The following GPNMB variants were observed in gnomAD, a reference collection of about 807,000 sequenced individuals.
GPNMB encodes the protein glycoprotein nmb.
In GPNMB, 71 loss-of-function variants were observed where a neutral mutation model predicts 57.3. The observed-to-expected ratio is 1.24, with a 90% CI of 1.02 to 1.51. GPNMB has a LOEUF of 1.51. Among genes scored for constraint, GPNMB ranks in the 40% most tolerant of loss-of-function variants. GPNMB has a pLI of 0.00. For missense variants in GPNMB, 677 were observed against 691.9 expected (o/e 0.98, Z 0.24); for synonymous variants, 253 against 263.2 (o/e 0.96, Z 0.38).
Position 23,253,291 on chromosome 7 carries a change from T to G in GPNMB, c.71-16T>G. On this transcript the variant is annotated splice_polypyrimidine_tract_variant and intron_variant, in intron 1 of 10. Transcript: ENST00000258733. ...TACTAAATGAAGAATGGAATTTGTT[T>G]CGAATATTGATACAGGATTTCATGA... 6.2e-7 allele frequency: 1 copy of G among 1,607,362 alleles called. No individual in the cohort carries two copies. Among genetic ancestry groups the G allele is most frequent in the Non-Finnish European group, 8.5e-7 (1 of 1,176,640 alleles).
intron 6 of GPNMB, 100 bp downstream of exon 6, chr7:23,260,873 G>A (rs1782906588): frequency 3.4e-6 from 3 of 885,052 alleles, no homozygotes; most frequent in Non-Finnish European, 4.8e-6. Flanking sequence ...GATATTGTAA[G>A]GACTCTGCGG....
In GPNMB at chr7:23,266,511, C is replaced by T. The variant is rs1252287724; in HGVS notation, c.1019-6C>T. 6.2e-7 allele frequency: 1 copy of T among 1,612,908 alleles called. No individual in the cohort carries two copies. Among genetic ancestry groups the T allele is most frequent in the Non-Finnish European group, 8.5e-7 (1 of 1,178,936 alleles). On this transcript the variant is annotated splice_polypyrimidine_tract_variant and splice_region_variant and intron_variant, in intron 6 of 10. Transcript: ENST00000258733. Reference sequence around the variant, plus strand: ...ACTCTAAAATCTTATGATTCAAACACCCCAGGACCTGCTGGTGACAACCCC... The same window carrying T: ...ACTCTAAAATCTTATGATTCAAACATCCCAGGACCTGCTGGTGACAACCCC...
At position 23,257,442 on chromosome 7, in the gene GPNMB, C is replaced by T. The variant is rs374935306; in HGVS notation, c.541+377C>T. The T allele has an allele frequency of 1.9e-4, 62 of 329,560 alleles. No individual in the cohort carries two copies. In the East Asian group the frequency reaches 3.5e-3, roughly 19 times the overall value. 20.4% of individuals were successfully genotyped at this position (329,560 alleles called of 1,614,324 possible). ...ATCCCAGCACCTTGGAAGGCGGAGG[C>T]GGGTGGATCACCTGAAGTCAGGAGT... On this transcript the variant is annotated intron_variant, in intron 4 of 10. Transcript: ENST00000258733.
intron 6 of GPNMB, among the ~76,000 whole-genome samples, chr7:23,261,783 A>T (rs938469439): frequency 3.9e-5 from 6 of 152,004 alleles, no homozygotes; most frequent in East Asian, 1.9e-4. Context: ...AGTAAAATTT[A>T]AAAAAAAGAG....
rs776003401 is a variant in GPNMB at position 23,253,295 on chromosome 7, A to G, written c.71-12A>G. On this transcript the variant is annotated splice_polypyrimidine_tract_variant and intron_variant, in intron 1 of 10. Coordinates refer to ENST00000258733, the MANE Select transcript of GPNMB (RefSeq NM_002510.3). ...AAATGAAGAATGGAATTTGTTTCGAATATTGATACAGGATTTCATGATGTG... is the reference window on the plus strand; with the variant it reads ...AAATGAAGAATGGAATTTGTTTCGAGTATTGATACAGGATTTCATGATGTG... 1.9e-6 allele frequency: 3 copies of G among 1,608,530 alleles called. No homozygotes were observed. In the South Asian group the frequency reaches 3.3e-5, roughly 18 times the overall value.
At chr7:23,273,328 C>G in intron 9 of GPNMB, 193 bp from the exon 10 acceptor site, 1 of 555,870 alleles carries the variant, frequency 1.8e-6, no homozygotes, top group Non-Finnish European at 3.2e-6. Context: ...TCCAGACATG[C>G]TGACTCATTC....
intron 5 of GPNMB, 147 bp from the exon 6 acceptor site, chr7:23,260,309 A>G (rs1428370691): frequency 2.1e-6 from 2 of 972,276 alleles, no homozygotes. Flanking sequence ...TAGCTTAGGG[A>G]AACCCCAGAA....
Position 23,260,097 on chromosome 7 carries a change from A to C in GPNMB, c.659A>C (p.Tyr220Ser). 1 of 1,614,010 alleles carries C rather than the reference A, an allele frequency of 6.2e-7. No individual in the cohort carries two copies. The highest frequency in any genetic ancestry group is 8.5e-7 in the Non-Finnish European group (1 of 1,179,892). ...VTVYRRHGRA[Y>S]VPIAQVKDVY... ...GTCTACAGAAGACATGGACGGGCAT[A>C]TGTTCCCATCGCACAAGTGAAAGAT... The change falls in exon 5 of 11, where the codon TAT becomes TCT. Residue 220 changes from tyrosine (Y) to serine (S), a missense_variant. By Grantham distance (144) the Tyr-to-Ser change is moderately radical. Transcript: ENST00000258733.
intron 6 of GPNMB, among the ~76,000 whole-genome samples, chr7:23,263,409 C>T (rs916543074): frequency 6.6e-6 from 1 of 151,842 alleles, no homozygotes; most frequent in Non-Finnish European, 1.5e-5. Context: ...GTCAGGAGTT[C>T]GAGACCAGCC....
At chr7:23,261,633 G>C (rs1193340164) in intron 6 of GPNMB, among the ~76,000 whole-genome samples, 1 of 152,082 alleles carries the variant, frequency 6.6e-6, no homozygotes, top group African/African-American at 2.4e-5. Context: ...GCCTGTCGGG[G>C]GGTAGGGGTA....
At chr7:23,255,701 T>C (rs568209615) in intron 3 of GPNMB, among the ~76,000 whole-genome samples, 125 of 152,274 alleles carry the variant, frequency 8.2e-4, no homozygotes, top group Non-Finnish European at 1.5e-3. Flanking sequence ...TTGTATGACT[T>C]TTTTGAGAAA....
At chr7:23,262,883 G>C (rs1036635858) in intron 6 of GPNMB, among the ~76,000 whole-genome samples, 1 of 152,054 alleles carries the variant, frequency 6.6e-6, no homozygotes, top group African/African-American at 2.4e-5. Context: ...GCCTTCCAAA[G>C]TGCTGGGATT....
intron 6 of GPNMB, chr7:23,266,218 G>A: frequency 1.2e-5 from 4 of 322,336 alleles, no homozygotes; most frequent in East Asian, 7.1e-5. Context: ...CAAAGTGCTG[G>A]GATTACAGGC....
In GPNMB at chr7:23,260,732, C is replaced by A. The variant is rs146578444; in HGVS notation, c.977C>A (p.Pro326Gln). 1.9e-6 allele frequency: 3 copies of A among 1,590,070 alleles called. No homozygotes were observed. The highest frequency in any genetic ancestry group is 2.7e-5 in the African/African-American group (2 of 74,370). ...KAAAPGPCPPPPPPPRPSKPT... is the reference protein window; with the variant it reads ...KAAAPGPCPPQPPPPRPSKPT... Reference sequence around the variant, plus strand: ...GCAGCACCAGGACCTTGTCCGCCACCGCCACCACCACCCAGACCTTCAAAA... The same window carrying A: ...GCAGCACCAGGACCTTGTCCGCCACAGCCACCACCACCCAGACCTTCAAAA... The change falls in exon 6 of 11, where the codon CCG becomes CAG. Residue 326 changes from proline to glutamine, a missense_variant. Physicochemically the swap from Pro to Gln is moderately conservative, Grantham distance 76. Coordinates refer to ENST00000258733, the MANE Select transcript of GPNMB (RefSeq NM_002510.3).
intron 1 of GPNMB, among the ~76,000 whole-genome samples, chr7:23,251,150 C>T (rs1011864607): frequency 6.6e-6 from 1 of 152,176 alleles, no homozygotes; most frequent in South Asian, 2.1e-4. Context: ...AAAACATGTT[C>T]CATGACTCCG....
rs1205620541 is a variant in GPNMB, at chr7:23,259,830, C to A, written c.542-150C>A. 7.9e-6 allele frequency: 5 copies of A among 629,698 alleles called. No homozygotes were observed. The East Asian group carries it at 1.1e-4, about 14-fold the overall frequency. The allele number at this position is 629,698 out of a possible 1,614,324, so 39.0% of individuals were successfully genotyped here. ...ATAAGATTTTACATTAAAATGAGCA[C>A]CATCTCCCTTTCTGAAGCAGCACCA... On this transcript the variant is annotated intron_variant, in intron 4 of 10. Coordinates refer to ENST00000258733, the MANE Select transcript of GPNMB (RefSeq NM_002510.3).
At chr7:23,251,297 CAA>C (rs1353051463) in intron 1 of GPNMB, among the ~76,000 whole-genome samples, 1 of 152,200 alleles carries the variant, frequency 6.6e-6, no homozygotes, top group Non-Finnish European at 1.5e-5. Flanking sequence ...AGCACCCACT[CAA>C]TACCACACCT....
chr7:23,248,502 A>T (rs958518472), intron 1 of GPNMB, among the ~76,000 whole-genome samples: 26 of 152,186 alleles, frequency 1.7e-4, no homozygotes, highest in African/African-American at 6.0e-4. Context: ...CCAGAAAAAA[A>T]TAAGGGCAGG....
chr7:23,272,034 G>T (rs1368851525), intron 9 of GPNMB, among the ~76,000 whole-genome samples: 1 of 152,158 alleles, frequency 6.6e-6, no homozygotes, highest in Non-Finnish European at 1.5e-5. Flanking sequence ...GGCCTGGGTG[G>T]AGAGCCGGGG....
Sources: allele counts gnomAD v4.1 joint callset (sites outside exome capture counted in the v4.1 genomes callset), GRCh38; gene constraint gnomAD v4.1.1; transcripts MANE v1.5; gene names NCBI Gene and HGNC (gene_info 2026-07-23, HGNC 2026-07-21).